The following PRELID2 variants were observed in gnomAD, a reference collection of about 807,000 sequenced individuals.
The protein encoded by PRELID2 is PRELI domain containing 2, also known as PRELI domain-containing protein 2.
PRELID2 carries 25 observed loss-of-function variants against 28.4 expected under a neutral mutation model. That is an observed-to-expected ratio of 0.88 (90% confidence interval 0.64 to 1.23). The LOEUF (loss-of-function observed/expected upper bound fraction) is 1.23, where lower values mean the gene tolerates loss of function less well. Ranked by LOEUF, PRELID2 falls within the 50% of genes most tolerant of loss-of-function variation. The probability of loss-of-function intolerance (pLI) is 0.00; values close to 1 mark genes in which losing one functional copy is unlikely to be tolerated. For missense variants in PRELID2, 201 were observed against 214.4 expected (o/e 0.94, Z 0.39); for synonymous variants, 76 against 71.6 (o/e 1.06, Z -0.31).
intron 4 of PRELID2, among the ~76,000 whole-genome samples, chr5:145,801,348 T>G (rs1753127075): frequency 6.6e-6 from 1 of 152,156 alleles, no homozygotes; most frequent in Non-Finnish European, 1.5e-5. Context: ...CTCGTTTCTT[T>G]GTAGCTTGTG....
chr5:145,517,414 G>A (rs1387328364), intron 1 of PRELID2, among the ~76,000 whole-genome samples: 1 of 152,128 alleles, frequency 6.6e-6, no homozygotes, highest in African/African-American at 2.4e-5. Context: ...GGTCATTACA[G>A]AAATGCAAAT....
At chr5:145,371,329 A>G in the PRELID2 span, among the ~76,000 whole-genome samples, 1 of 151,956 alleles carries the variant, frequency 6.6e-6, no homozygotes, top group African/African-American at 2.4e-5. Flanking sequence ...ATGAAGGGAT[A>G]TTGAATTTTA....
At chr5:145,679,728 T>A (rs539292569) in intron 1 of PRELID2, among the ~76,000 whole-genome samples, 33 of 151,862 alleles carry the variant, frequency 2.2e-4, no homozygotes. Flanking sequence ...CTTAAACTAT[T>A]TTGAGTTAAT....
At chr5:145,431,012 T>G in the PRELID2 span, among the ~76,000 whole-genome samples, 3 of 139,554 alleles carry the variant, frequency 2.1e-5, no homozygotes, top group East Asian at 2.0e-4. Flanking sequence ...AATGGTTTTT[T>G]TTTTTTTTTT....
At chr5:145,251,435 T>C in the PRELID2 span, among the ~76,000 whole-genome samples, 1 of 152,174 alleles carries the variant, frequency 6.6e-6, no homozygotes, top group East Asian at 1.9e-4. Context: ...CTGCGCTCCA[T>C]GAGTTGGAAG....
intron 1 of PRELID2, among the ~76,000 whole-genome samples, chr5:145,568,775 C>T (rs1752990475): frequency 6.6e-6 from 1 of 152,136 alleles, no homozygotes; most frequent in African/African-American, 2.4e-5. Flanking sequence ...CTTGGGCAGC[C>T]AATCATTTCC....
At chr5:145,724,722 TAATA>T (rs1271332079) in intron 1 of PRELID2, among the ~76,000 whole-genome samples, 1 of 136,392 alleles carries the variant, frequency 7.3e-6, no homozygotes, top group Non-Finnish European at 1.5e-5. Flanking sequence ...ATTACATATA[TAATA>T]TATATAATAT....
At chr5:145,310,436 G>A in the PRELID2 span, among the ~76,000 whole-genome samples, 1 of 152,130 alleles carries the variant, frequency 6.6e-6, no homozygotes, top group Non-Finnish European at 1.5e-5. Flanking sequence ...GTGGCCAGAT[G>A]CCCTTTCCCA....
chr5:145,518,648 T>C (rs1333500641), intron 1 of PRELID2, among the ~76,000 whole-genome samples: 1 of 152,230 alleles, frequency 6.6e-6, no homozygotes. Context: ...GTCATTTGCA[T>C]CAATCAATCC....
At chr5:145,823,875 T>C (rs1360000848) in intron 1 of PRELID2, among the ~76,000 whole-genome samples, 1 of 152,246 alleles carries the variant, frequency 6.6e-6, no homozygotes, top group Non-Finnish European at 1.5e-5. Context: ...GCTCAGTTAA[T>C]TCACAAAACC....
chr5:145,648,556 T>C (rs2149669044), intron 1 of PRELID2, among the ~76,000 whole-genome samples: 1 of 151,618 alleles, frequency 6.6e-6, no homozygotes, highest in African/African-American at 2.4e-5. Context: ...AAAGTAATTT[T>C]TTTCTCTCTG....
chr5:145,707,086 A>T (rs1409849038), intron 1 of PRELID2, among the ~76,000 whole-genome samples: 1 of 152,176 alleles, frequency 6.6e-6, no homozygotes, highest in Non-Finnish European at 1.5e-5. Flanking sequence ...TTTATTAAGC[A>T]TCTGTGGGTG....
chr5:145,827,373 C>T (rs1386194988), intron 1 of PRELID2, among the ~76,000 whole-genome samples: 6 of 152,112 alleles, frequency 3.9e-5, no homozygotes, highest in Non-Finnish European at 5.9e-5. Flanking sequence ...AAGGACAAAA[C>T]GTACTTAAGT....
At chr5:145,622,384 T>C (rs1196958811) in intron 1 of PRELID2, among the ~76,000 whole-genome samples, 2 of 152,128 alleles carry the variant, frequency 1.3e-5, no homozygotes, top group African/African-American at 4.8e-5. Context: ...AATAAAGTCA[T>C]TTTAAGATGA....
Position 145,819,443 on chromosome 5 carries a change from A to G in PRELID2, c.207+502T>C, listed in dbSNP as rs1754601633. ...CAAAGAGAGAAAACAATTTGCTATC[A>G]TGAAGATTTCATCATCAATGATATT... On this transcript the variant is annotated intron_variant, in intron 3 of 6. Transcript: ENST00000683046. The G allele has an allele frequency of 4.0e-6, 6 of 1,504,708 alleles. No homozygotes were observed. In the East Asian group the frequency reaches 9.0e-5, roughly 23 times the overall value. 93.2% of individuals were successfully genotyped at this position (1,504,708 alleles called of 1,614,324 possible).
rs551654760 is a variant in PRELID2 at position 145,521,049 on chromosome 5, C to T, written n.71-47734G>A. Among the ~76,000 whole-genome samples the T allele has an allele frequency of 2.6e-5, 4 of 152,166 alleles. No individual in the cohort carries two copies. In the South Asian group the frequency reaches 6.2e-4, roughly 24 times the overall value. ...AATGTGTATATAGATTCTAAGTTGA[C>T]AGGGAGTTAACAAATCTACGGCTTT... On this transcript the variant is annotated intron_variant and non_coding_transcript_variant, in intron 1 of 2. Coordinates refer to the PRELID2 transcript ENST00000510259.
At chr5:145,251,996 C>G in the PRELID2 span, among the ~76,000 whole-genome samples, 1 of 152,108 alleles carries the variant, frequency 6.6e-6, no homozygotes, top group African/African-American at 2.4e-5. Flanking sequence ...GTAGATAACT[C>G]TCAGCTAACC....
At chr5:145,439,080 TTTAC>T in the PRELID2 span, among the ~76,000 whole-genome samples, 1 of 152,124 alleles carries the variant, frequency 6.6e-6, no homozygotes, top group Admixed American at 6.6e-5. Flanking sequence ...GTGATCCTCC[TTTAC>T]TTGTGTCCCC....
intron 1 of PRELID2, among the ~76,000 whole-genome samples, chr5:145,740,303 T>TAA (rs1756629528): frequency 1.0e-5 from 1 of 95,854 alleles, no homozygotes; most frequent in South Asian, 3.0e-4. Flanking sequence ...TATATATATA[T>TAA]ATATATATAT....
Sources: gnomAD v4.1 joint callset for allele counts (sites outside exome capture counted in the v4.1 genomes callset) on GRCh38, gnomAD v4.1.1 for gene constraint, MANE v1.5 for transcripts, NCBI Gene and HGNC (gene_info 2026-07-23, HGNC 2026-07-21) for gene names.